ENG: variants seen among roughly 807,000 people sequenced by gnomAD.
ENG encodes the protein CD105 antigen.
ENG carries 17 observed loss-of-function variants against 71.0 expected under a neutral mutation model. That is an observed-to-expected ratio of 0.24 (90% confidence interval 0.16 to 0.36). The LOEUF is 0.36. Ranked by LOEUF, ENG falls within the 10% of genes least tolerant of loss-of-function variation. ENG has a pLI of 1.00. For synonymous variants in ENG, 360 were observed against 366.9 expected (o/e 0.98, Z 0.21); for missense variants, 749 against 868.3 (o/e 0.86, Z 1.73).
rs1352267506 is a variant in ENG at position 127,836,303 on chromosome 9, T to G, written c.220-6476A>C. On this transcript the variant is annotated intron_variant, in intron 2 of 14. Coordinates refer to ENST00000373203, the MANE Select transcript of ENG (RefSeq NM_001114753.3). The surrounding 1 kb of genome is among the most constrained non-coding windows in gnomAD (Gnocchi z 4.0). ...GCCTGCGCCTACCCAGCCCCCTCCC[T>G]GAGTGGGTGGGCGGGAGACCGCGTT... 6.6e-6 allele frequency among the ~76,000 whole-genome samples: 1 copy of G among 152,166 alleles called. No individual in the cohort carries two copies. The highest frequency in any genetic ancestry group is 2.4e-5 in the African/African-American group (1 of 41,450).
rs778594104 is a variant in ENG at position 127,818,289 on chromosome 9, A to T, written c.1517T>A (p.Leu506His). The T allele has an allele frequency of 6.2e-7, 1 of 1,614,072 alleles. No homozygotes were observed. The change falls in exon 12 of 15, where the codon CTC becomes CAC. Residue 506 changes from leucine (L) to histidine (H), a missense_variant. Transcript: ENST00000373203. Reference sequence around the variant, plus strand: ...GCCCTTGGCCGCCCGGCCCTGGATGAGTTCCACGGTGCCTCCCTCAGGCCC... The same window carrying T: ...GCCCTTGGCCGCCCGGCCCTGGATGTGTTCCACGGTGCCTCCCTCAGGCCC... The part of the protein sequence containing the change: ...DLGPEGGTVE[L>H]IQGRAAKGNC...
rs35400405 is a variant in ENG at position 127,854,342 on chromosome 9, G to A, written c.14C>T (p.Thr5Met). 0.023 allele frequency: 36,015 copies of A among 1,593,366 alleles called. 753 individuals carry two copies. The highest frequency in any genetic ancestry group is 0.11 in the African/African-American group (8,102 of 74,566). ...CAGCAGGGCAACAGCCAGAGGGAGC[G>A]TGCCGCGGTCCATGCTGTCCACGTG... is the stretch of plus-strand genomic sequence containing the variant. MDRG[T>M]LPLAVALLLA... The change falls in exon 1 of 15, where the codon ACG becomes ATG. Residue 5 changes from threonine to methionine, a missense_variant. Thr to Met is a moderately conservative substitution (Grantham distance 81, BLOSUM62 -1). Coordinates refer to ENST00000373203, the MANE Select transcript of ENG (RefSeq NM_001114753.3).
At chr9:127,821,866 G>A (rs1211471677) in intron 8 of ENG, among the ~76,000 whole-genome samples, 1 of 121,582 alleles carries the variant, frequency 8.2e-6, no homozygotes, top group Non-Finnish European at 1.6e-5. Flanking sequence ...CCGGGCAATA[G>A]TGTGAGACTG....
chr9:127,828,178 GGAAGTA>G (rs1830671338), intron 3 of ENG, among the ~76,000 whole-genome samples: 1 of 152,146 alleles, frequency 6.6e-6, no homozygotes, highest in Admixed American at 6.5e-5. Flanking sequence ...CCATCTAGAA[GGAAGTA>G]GATACCTTCT....
chr9:127,832,704 T>C (rs1286398137), intron 2 of ENG: 4 of 152,398 alleles, frequency 2.6e-5, no homozygotes, highest in Non-Finnish European at 5.9e-5. Flanking sequence ...TTGTGATCAA[T>C]TACTTGTAAA....
intron 1 of ENG, among the ~76,000 whole-genome samples, chr9:127,845,162 A>C (rs1831139973): frequency 6.6e-6 from 1 of 152,186 alleles, no homozygotes; most frequent in South Asian, 2.1e-4. Context: ...GTTTTCTTGG[A>C]GATCAAAGAT....
chr9:127,816,939 A>G (rs773266251), intron 13 of ENG: 7 of 633,358 alleles, frequency 1.1e-5, no homozygotes, highest in Non-Finnish European at 1.9e-5. Context: ...GGTCCCGGGC[A>G]AGGGCTCTCC....
At chr9:127,842,947 G>T in intron 2 of ENG, 147 bp downstream of exon 2, 1 of 1,325,832 alleles carries the variant, frequency 7.5e-7, no homozygotes. Context: ...TATGGGCCCT[G>T]TGAGATGCCC....
intron 1 of ENG, among the ~76,000 whole-genome samples, chr9:127,853,165 C>T (rs922684058): frequency 6.6e-6 from 1 of 152,148 alleles, no homozygotes; most frequent in Non-Finnish European, 1.5e-5. Context: ...CCTGCTAAGT[C>T]ACTTAATATG....
At chr9:127,816,781 C>T (rs1371101617) in intron 13 of ENG, 3 of 373,616 alleles carry the variant, frequency 8.0e-6, no homozygotes, top group Non-Finnish European at 1.5e-5. Context: ...AGGGAGAGGC[C>T]TCAAGGAAGG....
In ENG at chr9:127,838,760, C is replaced by T. The variant is rs1830960728; in HGVS notation, c.219+4334G>A. On this transcript the variant is annotated intron_variant, in intron 2 of 14. Coordinates refer to ENST00000373203, the MANE Select transcript of ENG (RefSeq NM_001114753.3). This position sits in a 1 kb window ranked among gnomAD's most constrained non-coding sequence, Gnocchi z 4.3. ...GTCAGGATGTGACCCTGGGCCCCCTCCCGGAATCCAGGCTCCGGCCTGCCC... is the reference window on the plus strand; with the variant it reads ...GTCAGGATGTGACCCTGGGCCCCCTTCCGGAATCCAGGCTCCGGCCTGCCC... Among the ~76,000 whole-genome samples, 1 of 152,166 alleles carries T rather than the reference C, an allele frequency of 6.6e-6. No individual in the cohort carries two copies. Among genetic ancestry groups the T allele is most frequent in the Admixed American group, 6.5e-5 (1 of 15,278 alleles).
intron 10 of ENG, among the ~76,000 whole-genome samples, chr9:127,819,050 A>G (rs1219566605): frequency 2.0e-5 from 3 of 149,892 alleles, no homozygotes; most frequent in Non-Finnish European, 4.4e-5. Flanking sequence ...CCATTCTCCT[A>G]CCTCAGCCTC....
intron 2 of ENG, among the ~76,000 whole-genome samples, chr9:127,833,138 G>A (rs1392961502): frequency 6.6e-6 from 1 of 152,180 alleles, no homozygotes; most frequent in East Asian, 1.9e-4. Flanking sequence ...AGAAGAAAAA[G>A]AACACAGCAA....
In ENG at chr9:127,854,286, T is replaced by A; in HGVS notation, c.67+3A>T. The A allele has an allele frequency of 6.3e-7, 1 of 1,584,858 alleles. No homozygotes were observed. The highest frequency in any genetic ancestry group is 8.6e-7 in the Non-Finnish European group (1 of 1,166,308). On this transcript the variant is annotated splice_donor_region_variant and intron_variant, in intron 1 of 14. Transcript: ENST00000373203. ...TCCCCACCCTGGGTCCCTGGACACC[T>A]ACTTGTGGGGCTGAGGCTGCAGCTG...
At chr9:127,833,522 CAAAAAAAAAA>C (rs57982372) in intron 2 of ENG, among the ~76,000 whole-genome samples, 1 of 66,796 alleles carries the variant, frequency 1.5e-5, no homozygotes, top group African/African-American at 5.7e-5. Flanking sequence ...AACTCCGCCT[CAAAAAAAAAA>C]AAAAAAAAAA....
chr9:127,826,051 C>T (rs185429581), intron 4 of ENG, among the ~76,000 whole-genome samples, 191 bp from the exon 5 acceptor site: 6 of 152,276 alleles, frequency 3.9e-5, no homozygotes, highest in African/African-American at 1.2e-4. Flanking sequence ...TGCAAGTCCC[C>T]GGGCCTCCGT....
At position 127,818,589 on chromosome 9, in the gene ENG, C is replaced by T. The variant is rs761685402; in HGVS notation, c.1428+127G>A. 46 of 1,380,658 alleles carry T rather than the reference C, an allele frequency of 3.3e-5. No individual in the cohort carries two copies. Among genetic ancestry groups the T allele is most frequent in the Admixed American group, 1.2e-4 (7 of 59,484 alleles). The allele number at this position is 1,380,658 out of a possible 1,614,324, so 85.5% of individuals were successfully genotyped here. A position where few individuals can be genotyped will look rare whatever the true frequency, so the allele number is the denominator to read the frequency against. On this transcript the variant is annotated intron_variant, in intron 11 of 14. Coordinates refer to ENST00000373203, the MANE Select transcript of ENG (RefSeq NM_001114753.3). ...ATGCCTTCTCTGTCTCTCCCTCTCCCGTGCACCCAGGCTGTCTCCCTCCTG... is the reference window on the plus strand; with the variant it reads ...ATGCCTTCTCTGTCTCTCCCTCTCCTGTGCACCCAGGCTGTCTCCCTCCTG...
intron 2 of ENG, among the ~76,000 whole-genome samples, chr9:127,837,444 G>T (rs1317478403): frequency 6.6e-6 from 1 of 152,090 alleles, no homozygotes; most frequent in African/African-American, 2.4e-5. Context: ...TCAGCTGAGG[G>T]GGCCCCTGGT....
chr9:127,816,745 T>C (rs745945255), intron 13 of ENG: 27 of 309,706 alleles, frequency 8.7e-5, no homozygotes, highest in Non-Finnish European at 1.6e-4. Flanking sequence ...GGGGAACTGA[T>C]GGAGAGGCTA....
Sources: gnomAD v4.1 joint callset for allele counts (sites outside exome capture counted in the v4.1 genomes callset) on GRCh38, gnomAD v4.1.1 for gene constraint, Gnocchi (gnomAD v3.1) non-coding constraint, MANE v1.5 for transcripts, NCBI Gene and HGNC (gene_info 2026-07-23, HGNC 2026-07-21) for gene names.